The following KANSL1 variants were observed in gnomAD, a reference collection of about 807,000 sequenced individuals.
KANSL1 encodes the protein KAT8 regulatory NSL complex subunit 1.
KANSL1 carries 22 observed loss-of-function variants against 103.6 expected under a neutral mutation model. The ratio of observed to expected loss-of-function variants is 0.21; its 90% CI spans 0.15 to 0.30. KANSL1 has a LOEUF of 0.30. Among genes scored for constraint, KANSL1 ranks in the 10% least tolerant of loss-of-function variants. KANSL1 has a pLI of 1.00. For missense variants in KANSL1, 1,337 were observed against 1,399.8 expected, an observed-to-expected ratio of 0.96 and a Z score of 0.72; for synonymous variants, 600 against 527.6, an observed-to-expected ratio of 1.14 and a Z score of -1.88.
chr17:46,102,140 G>GA (rs1329798866), intron 2 of KANSL1, among the ~76,000 whole-genome samples: 2 of 152,166 alleles, frequency 1.3e-5, no homozygotes, highest in Non-Finnish European at 2.9e-5. Flanking sequence ...TAAAACCCAG[G>GA]AAAAAACTCG....
intron 1 of KANSL1, among the ~76,000 whole-genome samples, 167 bp from the exon 2 acceptor site, chr17:46,172,399 C>T (rs957538737): frequency 1.3e-5 from 2 of 152,206 alleles, no homozygotes; most frequent in Non-Finnish European, 2.9e-5. Flanking sequence ...TATCTTTCAT[C>T]TGGGAGAAAG....
At chr17:46,203,142 G>A (rs900287034) in intron 1 of KANSL1, among the ~76,000 whole-genome samples, 1 of 152,208 alleles carries the variant, frequency 6.6e-6, no homozygotes, top group African/African-American at 2.4e-5. Flanking sequence ...TGAAGCAGGA[G>A]AATTGCTTGA....
intron 2 of KANSL1, among the ~76,000 whole-genome samples, chr17:46,147,572 T>TTAA (rs760450528): frequency 9.7e-6 from 1 of 103,066 alleles, no homozygotes; most frequent in African/African-American, 4.2e-5. Flanking sequence ...TGAGACTCTT[T>TTAA]AAAAAAAAAA....
At chr17:46,046,694 G>A (rs1015711491) in intron 7 of KANSL1, among the ~76,000 whole-genome samples, 2 of 151,426 alleles carry the variant, frequency 1.3e-5, no homozygotes, top group African/African-American at 2.4e-5. Context: ...AAAATTAGCC[G>A]GGCGTGGTGG....
At chr17:46,194,706 TGCTCTACTACCA>T (rs1204679628), upstream of KANSL1, among the ~76,000 whole-genome samples, 3 of 152,240 alleles carry the variant, frequency 2.0e-5, no homozygotes, top group Non-Finnish European at 4.4e-5. Flanking sequence ...AGGGTATGTA[TGCTCTACTACCA>T]AAAAGGAAGA....
upstream of KANSL1, chr17:46,196,203 A>G: frequency 2.4e-6 from 1 of 410,552 alleles, no homozygotes; most frequent in Admixed American, 2.8e-5. Context: ...ATGCCATTGT[A>G]GTCCAACCTG....
chr17:46,050,573 C>T lies in KANSL1; in HGVS notation c.1980G>A (p.Gln660=). 6.2e-7 allele frequency: 1 copy of T among 1,614,206 alleles called. No individual in the cohort carries two copies. The highest frequency in any genetic ancestry group is 1.1e-5 in the South Asian group (1 of 91,088). Residue 660 remains glutamine, a synonymous_variant, in exon 7 of 15, where the codon CAG becomes CAA. Coordinates refer to ENST00000432791, the MANE Select transcript of KANSL1 (RefSeq NM_015443.4). ...YEAPLLERLS[Q]LDSCVHPVLA... ...GAACAGGATGAACACAAGAGTCCAA[C>T]TGGGAAAGACGTTCCAACAGAGGGG...
rs114808270 is a variant in KANSL1 at position 46,119,698 on chromosome 17, T to C, written c.1290-24997A>G. On this transcript the variant is annotated intron_variant, in intron 2 of 14. Transcript: ENST00000432791. ...TCTAAAACTAGCTCTTCCTCTAAAC[T>C]TGCCTACTGTCAATGTTTTCACCTT... Among the ~76,000 whole-genome samples the C allele has an allele frequency of 8.8e-3, 1,348 of 152,326 alleles. 19 individuals are homozygous for C. Among genetic ancestry groups the C allele is most frequent in the African/African-American group, 0.031 (1,297 of 41,560 alleles).
At chr17:46,094,770 A>G in intron 2 of KANSL1, 69 bp from the exon 3 acceptor site, 1 of 1,587,224 alleles carries the variant, frequency 6.3e-7, no homozygotes, top group South Asian at 1.1e-5. Flanking sequence ...GGGGGTGGGG[A>G]GTGGAATTTA....
intron 1 of KANSL1, among the ~76,000 whole-genome samples, chr17:46,217,162 C>T (rs1321986039): frequency 6.6e-6 from 1 of 151,382 alleles, no homozygotes; most frequent in East Asian, 1.9e-4. Context: ...CATTCAGTAC[C>T]TCAGAATGTG....
At chr17:46,082,337 C>A in intron 4 of KANSL1, 104 bp downstream of exon 4, 1 of 661,374 alleles carries the variant, frequency 1.5e-6, no homozygotes, top group Non-Finnish European at 2.7e-6. Flanking sequence ...TACAGTTCCC[C>A]TTCTTCAGCC....
At chr17:46,186,147 G>A (rs1039566125) in intron 1 of KANSL1, among the ~76,000 whole-genome samples, 5 of 151,870 alleles carry the variant, frequency 3.3e-5, no homozygotes, top group Admixed American at 6.6e-5. Flanking sequence ...AGGCCGAGAC[G>A]GGTGGATCAC....
At chr17:46,139,170 C>G (rs2044296494) in intron 2 of KANSL1, among the ~76,000 whole-genome samples, 1 of 152,098 alleles carries the variant, frequency 6.6e-6, no homozygotes, top group Non-Finnish European at 1.5e-5. Context: ...AAACCAATGT[C>G]TATTTACTAA....
chr17:46,059,639 A>AG (rs2146579229), intron 6 of KANSL1, among the ~76,000 whole-genome samples: 1 of 35,454 alleles, frequency 2.8e-5, no homozygotes, highest in South Asian at 2.6e-3. Context: ...AAAAAAAAAA[A>AG]AAAAAAAAAG....
intron 1 of KANSL1, among the ~76,000 whole-genome samples, chr17:46,192,107 G>T (rs964783120): frequency 1.3e-5 from 2 of 152,182 alleles, no homozygotes; most frequent in Non-Finnish European, 2.9e-5. Flanking sequence ...TAAGTAGCAC[G>T]TTTCTCTATA....
At chr17:46,156,119 G>A (rs1318480549) in intron 2 of KANSL1, among the ~76,000 whole-genome samples, 1 of 152,186 alleles carries the variant, frequency 6.6e-6, no homozygotes, top group Non-Finnish European at 1.5e-5. Context: ...AGGCCAAGGT[G>A]GGCGGATCAC....
chr17:46,125,784 T>C (rs1270495925), intron 2 of KANSL1, among the ~76,000 whole-genome samples: 1 of 152,228 alleles, frequency 6.6e-6, no homozygotes, highest in Admixed American at 6.5e-5. Context: ...GATTCTACCA[T>C]CATTGTTGTC....
intron 1 of KANSL1, among the ~76,000 whole-genome samples, chr17:46,189,287 C>G (rs1461049424): frequency 6.6e-6 from 1 of 152,112 alleles, no homozygotes; most frequent in Non-Finnish European, 1.5e-5. Context: ...CTGGGGCAAT[C>G]AACAGACAAC....
At chr17:46,182,240 G>A (rs1384708418) in intron 1 of KANSL1, among the ~76,000 whole-genome samples, 1 of 152,114 alleles carries the variant, frequency 6.6e-6, no homozygotes, top group Non-Finnish European at 1.5e-5. Context: ...GAGGAAACAC[G>A]AATCAAAAAA....
Sources: allele counts gnomAD v4.1 joint callset (sites outside exome capture counted in the v4.1 genomes callset), GRCh38; gene constraint gnomAD v4.1.1; transcripts MANE v1.5; gene names NCBI Gene and HGNC (gene_info 2026-07-23, HGNC 2026-07-21).